The following JAKMIP3 variants were observed in gnomAD, a reference collection of about 807,000 sequenced individuals.
JAKMIP3 encodes the protein janus kinase and microtubule-interacting protein 3.
A neutral mutation model predicts 118.5 loss-of-function variants in JAKMIP3; 58 were observed. The observed-to-expected ratio is 0.49, with a 90% CI of 0.40 to 0.61. The LOEUF is 0.61. Among genes scored for constraint, JAKMIP3 ranks in the 20% least tolerant of loss-of-function variants. The probability of loss-of-function intolerance (pLI) is 0.00; values close to 1 mark genes in which losing one functional copy is unlikely to be tolerated. For synonymous variants in JAKMIP3, 486 were observed against 451.2 expected, an observed-to-expected ratio of 1.08 and a Z score of -0.98; for missense variants, 950 against 1,109.0, an observed-to-expected ratio of 0.86 and a Z score of 2.04.
rs558643590 is a variant in JAKMIP3 at position 132,140,453 on chromosome 10, G to T, written c.1347G>T (p.Pro449=). Residue 449 remains proline (P), a splice_region_variant and synonymous_variant, in exon 10 of 24, where the codon CCG becomes CCT. Coordinates refer to ENST00000684848, the MANE Select transcript of JAKMIP3 (RefSeq NM_001323087.2). ...ACACGTCGCATTTTGGTCACAAGCC[G>T]GTGGTTGTGGAGACCTTCTTTGGAT... The part of the protein sequence containing the change: ...QRKKMAKLPK[P]VVVETFFGYD... 224 of 1,613,630 alleles carry T rather than the reference G, an allele frequency of 1.4e-4. No homozygotes were observed. Among genetic ancestry groups the T allele is most frequent in the Non-Finnish European group, 1.8e-4 (217 of 1,179,838 alleles).
chr10:132,147,614 A>T (rs1039662772), intron 13 of JAKMIP3, among the ~76,000 whole-genome samples: 8 of 151,904 alleles, frequency 5.3e-5, no homozygotes, highest in African/African-American at 1.9e-4. Context: ...CTGGCTTGTG[A>T]TGTACAGCCC....
chr10:132,104,695 C>G lies in JAKMIP3; in HGVS notation c.-114C>G. Reference sequence around the variant, plus strand: ...AGGTGAATGAGAAGATGTAGTGTGACAGCAGCCCGGGTGACACCTGCTGGG... The same window carrying G: ...AGGTGAATGAGAAGATGTAGTGTGAGAGCAGCCCGGGTGACACCTGCTGGG... On this transcript the variant is annotated 5_prime_UTR_variant, in exon 2 of 24. Transcript: ENST00000684848. The G allele has an allele frequency of 1.9e-6, 2 of 1,071,454 alleles. No homozygotes were observed. Among genetic ancestry groups the G allele is most frequent in the South Asian group, 3.0e-5 (2 of 65,838 alleles). 66.4% of individuals were successfully genotyped at this position (1,071,454 alleles called of 1,614,324 possible). A position where few individuals can be genotyped will look rare whatever the true frequency, so the allele number is the denominator to read the frequency against.
Position 132,146,052 on chromosome 10 carries a change from G to A in JAKMIP3, c.1749+472G>A, listed in dbSNP as rs554043076. Among the ~76,000 whole-genome samples, 193 of 152,230 alleles carry A rather than the reference G, an allele frequency of 1.3e-3. 1 individual carries two copies. The highest frequency in any genetic ancestry group is 4.4e-3 in the African/African-American group (183 of 41,532). On this transcript the variant is annotated intron_variant, in intron 13 of 23. Transcript: ENST00000684848. ...TGAGCAAGTGCGTGTTTGAGACTTCGGCAAGGCGTCACCTGGCAGGCCCAG... is the reference window on the plus strand; with the variant it reads ...TGAGCAAGTGCGTGTTTGAGACTTCAGCAAGGCGTCACCTGGCAGGCCCAG...
intron 1 of JAKMIP3, among the ~76,000 whole-genome samples, chr10:132,046,261 T>C (rs1276178475): frequency 2.0e-5 from 3 of 152,152 alleles, no homozygotes; most frequent in Admixed American, 2.0e-4. Flanking sequence ...AAGACCATCC[T>C]GGCTAACACA....
chr10:132,101,970 C>T (rs11146170), intron 1 of JAKMIP3, among the ~76,000 whole-genome samples: 35,397 of 151,552 alleles, frequency 0.23, 4,840 homozygotes, highest in African/African-American at 0.39. Context: ...TTCTGGAGCC[C>T]GCAGGAGCCC....
intron 3 of JAKMIP3, among the ~76,000 whole-genome samples, chr10:132,126,209 G>C (rs1462534636): frequency 2.0e-5 from 3 of 152,148 alleles, no homozygotes; most frequent in Non-Finnish European, 4.4e-5. Flanking sequence ...AGCTGCAGGT[G>C]AAAGTATCAA....
intron 1 of JAKMIP3, among the ~76,000 whole-genome samples, 44 bp downstream of exon 1, chr10:132,066,105 C>T (rs2038723319): frequency 1.3e-5 from 2 of 152,154 alleles, no homozygotes; most frequent in African/African-American, 4.8e-5. Context: ...TTGTTGGTTT[C>T]GGTTTGGCTG....
At chr10:132,161,791 G>A (rs1342199648) in intron 19 of JAKMIP3, among the ~76,000 whole-genome samples, 2 of 90,156 alleles carry the variant, frequency 2.2e-5, no homozygotes, top group African/African-American at 9.4e-5. Context: ...ATGCTGGGGG[G>A]TGTCTCTCCC....
rs1423457354 is a variant in JAKMIP3, at chr10:132,180,752, C to CGCGCGTGT, written c.*1104-1604_*1104-1603insCGCGTGTG. 1.1e-3 allele frequency among the ~76,000 whole-genome samples: 15 copies of CGCGCGTGT among 13,682 alleles called. 7 individuals are homozygous for CGCGCGTGT. Among genetic ancestry groups the CGCGCGTGT allele is most frequent in the South Asian group, 4.9e-3 (2 of 406 alleles). The allele number at this position is 13,682 out of a possible 152,430, so 9.0% of individuals were successfully genotyped here. Reference sequence around the variant, plus strand: ...GTGCGTGTGTGCGTGCGTGCGCGCGCGTGTGTGCGTGTGTGTGCGTGTGTG... The same window carrying CGCGCGTGT: ...GTGCGTGTGTGCGTGCGTGCGCGCGCGCGCGTGTGTGTGTGCGTGTGTGTGCGTGTGTG... On this transcript the variant is annotated intron_variant, in intron 23 of 23. Transcript: ENST00000684848.
chr10:132,175,897 T>C (rs1291468333), intron 23 of JAKMIP3, among the ~76,000 whole-genome samples: 1 of 152,232 alleles, frequency 6.6e-6, no homozygotes, highest in African/African-American at 2.4e-5. Context: ...TTTGTCTATA[T>C]TGTTAAAGAA....
At chr10:132,173,553 C>T (rs2059833700) in intron 23 of JAKMIP3, among the ~76,000 whole-genome samples, 1 of 152,182 alleles carries the variant, frequency 6.6e-6, no homozygotes, top group South Asian at 2.1e-4. Flanking sequence ...TTCTTACCCA[C>T]CCTCCCTAGG....
chr10:132,066,641 A>C (rs1246522803), intron 1 of JAKMIP3, among the ~76,000 whole-genome samples: 1 of 152,216 alleles, frequency 6.6e-6, no homozygotes, highest in South Asian at 2.1e-4. Flanking sequence ...TTTAAAACTT[A>C]ATCAAGAATC....
At chr10:132,119,442 C>T (rs7084508) in intron 3 of JAKMIP3, among the ~76,000 whole-genome samples, 39,883 of 152,120 alleles carry the variant, frequency 0.26, 6,092 homozygotes, top group Non-Finnish European at 0.35. Flanking sequence ...GTTATAGTTT[C>T]GTCTTGCATA....
chr10:132,165,257 G>A (rs940418834), intron 21 of JAKMIP3, among the ~76,000 whole-genome samples: 6 of 152,186 alleles, frequency 3.9e-5, no homozygotes, highest in Non-Finnish European at 7.4e-5. Flanking sequence ...TGGGGTCAGG[G>A]CTGCTCTGTC....
rs117184427 is a variant in JAKMIP3 at position 132,124,565 on chromosome 10, G to A, written c.633+6991G>A. On this transcript the variant is annotated intron_variant, in intron 3 of 23. Coordinates refer to ENST00000684848, the MANE Select transcript of JAKMIP3 (RefSeq NM_001323087.2). The stretch of plus-strand genomic sequence containing the variant: ...CTGGCCAGCCGCATCGCACACGTCC[G>A]TTGCCACATGGTCACCTGTCCCACC... Among the ~76,000 whole-genome samples the A allele has an allele frequency of 4.0e-4, 55 of 135,860 alleles. 2 individuals are homozygous for A. The Middle Eastern group carries it at 0.018, about 44-fold the overall frequency. 89.1% of individuals were successfully genotyped at this position (135,860 alleles called of 152,430 possible). A position where few individuals can be genotyped will look rare whatever the true frequency, so the allele number is the denominator to read the frequency against.
intron 1 of JAKMIP3, among the ~76,000 whole-genome samples, chr10:132,102,329 G>A (rs12780030): frequency 1.3e-5 from 2 of 151,870 alleles, no homozygotes; most frequent in Non-Finnish European, 2.9e-5. Context: ...TGACGTCCGC[G>A]GGACAACCTG....
intron 3 of JAKMIP3, among the ~76,000 whole-genome samples, chr10:132,126,784 G>A (rs1485038455): frequency 4.6e-5 from 7 of 152,078 alleles, no homozygotes; most frequent in South Asian, 2.1e-4. Context: ...GAGATGACAC[G>A]TTAATTGGCT....
intron 1 of JAKMIP3, among the ~76,000 whole-genome samples, chr10:132,067,295 A>G (rs1010061989): frequency 6.6e-6 from 1 of 151,804 alleles, no homozygotes; most frequent in Non-Finnish European, 1.5e-5. Flanking sequence ...GGGCATTGGC[A>G]TTCCTGCTAT....
intron 16 of JAKMIP3, among the ~76,000 whole-genome samples, chr10:132,150,952 C>CT (rs2056070305): frequency 6.6e-6 from 1 of 151,944 alleles, no homozygotes; most frequent in Non-Finnish European, 1.5e-5. Context: ...CATCCTCCAT[C>CT]TATCTATCAT....
Sources: allele counts gnomAD v4.1 joint callset (sites outside exome capture counted in the v4.1 genomes callset), GRCh38; gene constraint gnomAD v4.1.1; transcripts MANE v1.5; gene names NCBI Gene and HGNC (gene_info 2026-07-23, HGNC 2026-07-21).